ESR1: variants seen among roughly 807,000 people sequenced by gnomAD.
The protein encoded by ESR1 is estrogen receptor 1.
Under a neutral mutation model 52.7 loss-of-function variants are expected in ESR1, and 12 were observed. The ratio of observed to expected loss-of-function variants is 0.23; its 90% CI spans 0.15 to 0.37. The LOEUF (loss-of-function observed/expected upper bound fraction) is 0.37, where lower values mean the gene tolerates loss of function less well. Among genes scored for constraint, ESR1 ranks in the 10% least tolerant of loss-of-function variants. ESR1 has a pLI of 1.00. For synonymous variants in ESR1, 305 were observed against 316.8 expected (o/e 0.96, Z 0.39); for missense variants, 584 against 779.7 (o/e 0.75, Z 2.99).
At chr6:152,119,534 T>TC (rs1585283229) in intron 6 of ESR1, among the ~76,000 whole-genome samples, 2 of 152,188 alleles carry the variant, frequency 1.3e-5, no homozygotes, top group East Asian at 3.8e-4. Context: ...CTTACCACCA[T>TC]GTTATTAACC....
At chr6:151,975,383 T>C (rs1395065702) in intron 4 of ESR1, among the ~76,000 whole-genome samples, 1 of 152,026 alleles carries the variant, frequency 6.6e-6, no homozygotes, top group African/African-American at 2.4e-5. Context: ...CTAATAAAAG[T>C]CTATATCAAT....
At chr6:152,014,243 G>T (rs1206006341) in intron 5 of ESR1, among the ~76,000 whole-genome samples, 1 of 152,070 alleles carries the variant, frequency 6.6e-6, no homozygotes, top group African/African-American at 2.4e-5. Context: ...CTTGAGAACA[G>T]ACTAATACAA....
chr6:151,951,882 T>C (rs1485993868), intron 4 of ESR1, among the ~76,000 whole-genome samples: 3 of 152,222 alleles, frequency 2.0e-5, no homozygotes, highest in African/African-American at 7.2e-5. Flanking sequence ...TCCACCCTTG[T>C]TCCTCATTCA....
chr6:151,858,015 TACTA>T (rs1477928086), intron 2 of ESR1, among the ~76,000 whole-genome samples: 2 of 152,208 alleles, frequency 1.3e-5, no homozygotes, highest in Non-Finnish European at 2.9e-5. Flanking sequence ...ATTAATTATA[TACTA>T]ACTTTTTTTT....
Position 151,852,777 on chromosome 6 carries a change from CA to C in ESR1, c.643+9992del, listed in dbSNP as rs758044657. Among the ~76,000 whole-genome samples, 6 of 151,806 alleles carry C rather than the reference CA, an allele frequency of 4.0e-5. 1 individual carries two copies. The highest frequency in any genetic ancestry group is 3.9e-4 in the East Asian group (2 of 5,148). On this transcript the variant is annotated intron_variant, in intron 2 of 7. Coordinates refer to ENST00000206249, the MANE Select transcript of ESR1 (RefSeq NM_000125.4). Reference sequence around the variant, plus strand: ...ATCATGTGTTAACATACATACTGTGCAACAGAAATGACTATGGAGGCTGAGG... The same window carrying C: ...ATCATGTGTTAACATACATACTGTGCACAGAAATGACTATGGAGGCTGAGG...
rs1784520432 is a variant in ESR1, at chr6:151,842,880, A to G, written c.643+93A>G. 3 of 1,110,754 alleles carry G rather than the reference A, an allele frequency of 2.7e-6. No homozygotes were observed. The East Asian group carries it at 7.2e-5, about 27-fold the overall frequency. 68.8% of individuals were successfully genotyped at this position (1,110,754 alleles called of 1,614,324 possible). On this transcript the variant is annotated intron_variant, in intron 2 of 7. Coordinates refer to ENST00000206249, the MANE Select transcript of ESR1 (RefSeq NM_000125.4). ...GAGGAAGGAAGACATAGAATCAGCC[A>G]TTTGTACAAAACATGAATCCCTAGT...
intron 4 of ESR1, among the ~76,000 whole-genome samples, chr6:151,997,279 A>C (rs1313665873): frequency 6.6e-6 from 1 of 152,120 alleles, no homozygotes. Flanking sequence ...TTCAATCAAC[A>C]CTGAATTTAC....
upstream of ESR1, among the ~76,000 whole-genome samples, chr6:151,800,403 C>A (rs998005539): frequency 2.4e-4 from 37 of 152,072 alleles, no homozygotes; most frequent in Admixed American, 2.2e-3. Flanking sequence ...TTTTGGGATG[C>A]CTGCTGTTGA....
intron 1 of ESR1, among the ~76,000 whole-genome samples, chr6:151,825,044 C>G (rs1433967769): frequency 3.9e-5 from 6 of 151,954 alleles, no homozygotes; most frequent in Non-Finnish European, 8.8e-5. Flanking sequence ...GGGAAATTAT[C>G]TTATTTTTTA....
intron 3 of ESR1, among the ~76,000 whole-genome samples, chr6:151,925,579 T>C (rs1157100107): frequency 1.3e-5 from 2 of 152,122 alleles, no homozygotes; most frequent in African/African-American, 4.8e-5. Flanking sequence ...TGCACTCCAG[T>C]CTGGGCAACA....
At chr6:151,773,899 A>T (rs1396210932) in intron 2 of ESR1, among the ~76,000 whole-genome samples, 2 of 152,210 alleles carry the variant, frequency 1.3e-5, no homozygotes, top group Non-Finnish European at 2.9e-5. Flanking sequence ...TTGAATTGTT[A>T]TCAGCAATGT....
chr6:151,878,501 G>A (rs911288194), intron 2 of ESR1, among the ~76,000 whole-genome samples: 1 of 152,182 alleles, frequency 6.6e-6, no homozygotes, highest in African/African-American at 2.4e-5. Context: ...CAAGTTTTAT[G>A]AGGCCAGCAT....
At chr6:151,701,747 A>G (rs1375101606) in intron 1 of ESR1, 2 of 152,150 alleles carry the variant, frequency 1.3e-5, no homozygotes, top group African/African-American at 4.8e-5. Flanking sequence ...GTGCCTATTG[A>G]TAAGTGAGAC....
downstream of ESR1, among the ~76,000 whole-genome samples, chr6:152,106,083 G>A (rs916658640): frequency 3.9e-5 from 6 of 152,014 alleles, no homozygotes; most frequent in Non-Finnish European, 7.4e-5. Flanking sequence ...GTGAGCCACC[G>A]CGCCCGGCCT....
chr6:151,939,972 C>A (rs1038547849), intron 3 of ESR1, among the ~76,000 whole-genome samples: 1 of 151,930 alleles, frequency 6.6e-6, no homozygotes, highest in African/African-American at 2.4e-5. Context: ...TGGAAAATAT[C>A]GTTCATTTAG....
In ESR1 at chr6:152,060,358, T is replaced by C. The variant is rs9341013; in HGVS notation, c.1236-633T>C. Reference sequence around the variant, plus strand: ...TTCTTTCATGCTGCTCCTCCTCCCATGTTTAGGACCCTCTTCCAAGGAGGC... The same window carrying C: ...TTCTTTCATGCTGCTCCTCCTCCCACGTTTAGGACCCTCTTCCAAGGAGGC... On this transcript the variant is annotated intron_variant, in intron 5 of 7. Coordinates refer to ENST00000206249, the MANE Select transcript of ESR1 (RefSeq NM_000125.4). Among the ~76,000 whole-genome samples the C allele has an allele frequency of 8.0e-4, 122 of 152,238 alleles. 1 individual carries two copies. The highest frequency in any genetic ancestry group is 2.8e-3 in the African/African-American group (116 of 41,554).
At chr6:152,020,908 T>A (rs1160147447) in intron 5 of ESR1, among the ~76,000 whole-genome samples, 1 of 152,216 alleles carries the variant, frequency 6.6e-6, no homozygotes, top group Non-Finnish European at 1.5e-5. Context: ...ATCTCTACCC[T>A]GGTATAATTG....
intron 7 of ESR1, among the ~76,000 whole-genome samples, chr6:152,097,442 A>G (rs2050707714): frequency 6.6e-6 from 1 of 151,940 alleles, no homozygotes. Context: ...AATTTAGATC[A>G]TGCTGTAGGC....
chr6:151,922,020 A>G (rs1320171394), intron 3 of ESR1, among the ~76,000 whole-genome samples: 2 of 152,108 alleles, frequency 1.3e-5, no homozygotes, highest in Admixed American at 1.3e-4. Flanking sequence ...GCCTGTGCCT[A>G]TATATTTATT....
Sources: allele counts gnomAD v4.1 joint callset (sites outside exome capture counted in the v4.1 genomes callset), GRCh38; gene constraint gnomAD v4.1.1; transcripts MANE v1.5; gene names NCBI Gene and HGNC (gene_info 2026-07-23, HGNC 2026-07-21).